GABRG3: variants seen among roughly 807,000 people sequenced by gnomAD.
GABRG3 encodes gamma-aminobutyric acid type A receptor subunit gamma3.
GABRG3 carries 25 observed loss-of-function variants against 48.8 expected under a neutral mutation model. That is an observed-to-expected ratio of 0.51 (90% confidence interval 0.37 to 0.72). The LOEUF is 0.72. GABRG3 is among the 30% of genes least tolerant of loss of function. GABRG3 has a pLI of 0.00. For missense variants in GABRG3, 394 were observed against 577.9 expected, an observed-to-expected ratio of 0.68 and a Z score of 3.26; for synonymous variants, 227 against 217.6, an observed-to-expected ratio of 1.04 and a Z score of -0.38.
intron 6 of GABRG3, among the ~76,000 whole-genome samples, chr15:27,484,183 A>T (rs1202042788): frequency 1.3e-5 from 2 of 152,118 alleles, no homozygotes; most frequent in Non-Finnish European, 2.9e-5. Flanking sequence ...TGGTCCACGC[A>T]TCTGGGCCTC....
chr15:27,331,573 G>A (rs546886625), intron 5 of GABRG3, among the ~76,000 whole-genome samples: 11 of 152,328 alleles, frequency 7.2e-5, no homozygotes, highest in African/African-American at 2.6e-4. Context: ...GTCAGTGGTT[G>A]CCAGGGGTTG....
At chr15:27,522,472 T>C (rs1469453852) in intron 7 of GABRG3, among the ~76,000 whole-genome samples, 1 of 151,798 alleles carries the variant, frequency 6.6e-6, no homozygotes, top group Non-Finnish European at 1.5e-5. Flanking sequence ...ATTCTTTCAA[T>C]TAAAGTGAAA....
chr15:27,262,118 G>A (rs1276265129), intron 3 of GABRG3, among the ~76,000 whole-genome samples: 2 of 152,154 alleles, frequency 1.3e-5, no homozygotes, highest in East Asian at 1.9e-4. Context: ...CTGCATCTGG[G>A]CATCCTTGCT....
chr15:27,270,393 G>A (rs1891043383), intron 3 of GABRG3, among the ~76,000 whole-genome samples: 1 of 152,164 alleles, frequency 6.6e-6, no homozygotes, highest in South Asian at 2.1e-4. Context: ...TCAACAGCTG[G>A]TCATGTGGCC....
At chr15:27,384,589 G>T (rs75307139) in intron 5 of GABRG3, among the ~76,000 whole-genome samples, 2,197 of 152,270 alleles carry the variant, frequency 0.014, 53 homozygotes, top group African/African-American at 0.05. Flanking sequence ...ATGAATATTA[G>T]AGAATCATGA....
chr15:27,005,149 CTATT>C, intron 2 of GABRG3, among the ~76,000 whole-genome samples: 2 of 152,252 alleles, frequency 1.3e-5, no homozygotes, highest in South Asian at 4.2e-4. Context: ...TTTGTCTAAA[CTATT>C]TAACATTTTC....
intron 3 of GABRG3, among the ~76,000 whole-genome samples, chr15:27,202,732 C>T (rs1276749156): frequency 6.6e-6 from 1 of 152,046 alleles, no homozygotes; most frequent in Non-Finnish European, 1.5e-5. Context: ...ATATTCTTAC[C>T]CATATACCTC....
At chr15:27,327,620 A>G (rs896833743) in intron 4 of GABRG3, among the ~76,000 whole-genome samples, 2 of 152,152 alleles carry the variant, frequency 1.3e-5, no homozygotes, top group African/African-American at 2.4e-5. Flanking sequence ...ACTAGCAATG[A>G]CGGGCCCTCT....
intron 3 of GABRG3, among the ~76,000 whole-genome samples, chr15:27,043,737 C>T (rs566008213): frequency 2.0e-5 from 3 of 152,266 alleles, no homozygotes; most frequent in African/African-American, 7.2e-5. Context: ...AACGAAGTAC[C>T]CCAATGCTTT....
At chr15:27,328,741 G>T (rs955542870) in intron 4 of GABRG3, 65 bp from the exon 5 acceptor site, 8 of 1,425,442 alleles carry the variant, frequency 5.6e-6, no homozygotes, top group South Asian at 1.2e-5. Context: ...ATGGGGTGCC[G>T]TAACGGCCGC....
intron 3 of GABRG3, among the ~76,000 whole-genome samples, chr15:27,074,280 A>G (rs917941763): frequency 1.3e-5 from 2 of 152,060 alleles, no homozygotes; most frequent in Non-Finnish European, 2.9e-5. Context: ...TTTCTTACTG[A>G]GTGTTGACCA....
Position 27,537,846 on chromosome 15 carries a change from T to C in GABRG3, c.*4965T>C, listed in dbSNP as rs1318929282. The C allele has an allele frequency of 1.4e-5, 2 of 145,446 alleles. No homozygotes were observed. The highest frequency in any genetic ancestry group is 5.4e-5 in the African/African-American group (2 of 37,168). 9.0% of individuals were successfully genotyped at this position (145,446 alleles called of 1,614,324 possible). ...TTTATTTATTTATTTATTTATTTAT[T>C]TATTTATTTTGAGATGAAGTTTTAC... On this transcript the variant is annotated 3_prime_UTR_variant, in exon 10 of 10. Coordinates refer to ENST00000615808, the MANE Select transcript of GABRG3 (RefSeq NM_033223.5).
chr15:27,135,292 A>G (rs1292587056), intron 3 of GABRG3, among the ~76,000 whole-genome samples: 1 of 152,220 alleles, frequency 6.6e-6, no homozygotes, highest in Non-Finnish European at 1.5e-5. Flanking sequence ...GAACTCATTA[A>G]TAGCTTTGAG....
At chr15:27,289,465 C>A (rs1306855080) in intron 3 of GABRG3, among the ~76,000 whole-genome samples, 1 of 152,054 alleles carries the variant, frequency 6.6e-6, no homozygotes, top group Admixed American at 6.6e-5. Flanking sequence ...ACAAAATAAT[C>A]TTAACTATTT....
At chr15:27,030,194 G>A (rs947401844) in intron 3 of GABRG3, among the ~76,000 whole-genome samples, 2 of 152,196 alleles carry the variant, frequency 1.3e-5, no homozygotes, top group Non-Finnish European at 2.9e-5. Flanking sequence ...GGGTTTGACC[G>A]TAAAGGTAAA....
rs538626922 is a variant in GABRG3 at position 27,485,877 on chromosome 15, G to C, written c.712+5090G>C. On this transcript the variant is annotated intron_variant, in intron 6 of 9. Coordinates refer to ENST00000615808, the MANE Select transcript of GABRG3 (RefSeq NM_033223.5). Reference sequence around the variant, plus strand: ...CTAAAGAAAAACAGGAAGAGAGAAAGAGATTGACTCTATGATCTCTATAGC... The same window carrying C: ...CTAAAGAAAAACAGGAAGAGAGAAACAGATTGACTCTATGATCTCTATAGC... 2.0e-5 allele frequency among the ~76,000 whole-genome samples: 3 copies of C among 152,310 alleles called. No homozygotes were observed. The East Asian group carries it at 5.8e-4, about 29-fold the overall frequency.
intron 6 of GABRG3, among the ~76,000 whole-genome samples, chr15:27,507,085 C>T (rs755808360): frequency 3.3e-5 from 5 of 152,090 alleles, no homozygotes; most frequent in Non-Finnish European, 7.4e-5. Context: ...CCCATAAAAT[C>T]CTACAAATGT....
chr15:27,011,162 C>T (rs769553738), intron 2 of GABRG3, among the ~76,000 whole-genome samples: 5 of 152,144 alleles, frequency 3.3e-5, no homozygotes, highest in African/African-American at 4.8e-5. Context: ...CCACTGTTCC[C>T]GGGCAAACAC....
chr15:27,251,894 T>C (rs562773067), intron 3 of GABRG3, among the ~76,000 whole-genome samples: 13 of 152,294 alleles, frequency 8.5e-5, no homozygotes, highest in African/African-American at 2.4e-4. Flanking sequence ...AGCCCGGGCC[T>C]GCGTCCTTGC....
Sources: gnomAD v4.1 joint callset for allele counts (sites outside exome capture counted in the v4.1 genomes callset) on GRCh38, gnomAD v4.1.1 for gene constraint, MANE v1.5 for transcripts, NCBI Gene and HGNC (gene_info 2026-07-23, HGNC 2026-07-21) for gene names.